The following ISM1 variants were observed in gnomAD, a reference collection of about 807,000 sequenced individuals.
The protein encoded by ISM1 is isthmin 1.
In ISM1, 25 loss-of-function variants were observed where a neutral mutation model predicts 46.3. The observed-to-expected ratio is 0.54, with a 90% CI of 0.39 to 0.75. ISM1 has a LOEUF of 0.75. ISM1 is among the 30% of genes least tolerant of loss of function. The probability of loss-of-function intolerance (pLI) is 0.00; values close to 1 mark genes in which losing one functional copy is unlikely to be tolerated. For missense variants in ISM1, 536 were observed against 625.4 expected, an observed-to-expected ratio of 0.86 and a Z score of 1.52; for synonymous variants, 255 against 256.7, an observed-to-expected ratio of 0.99 and a Z score of 0.06.
At chr20:13,223,892 G>A (rs1002601690) in intron 1 of ISM1, among the ~76,000 whole-genome samples, 101 of 152,248 alleles carry the variant, frequency 6.6e-4, no homozygotes, top group African/African-American at 2.2e-3. Flanking sequence ...AAGTAAATTT[G>A]GCAGATTACT....
chr20:13,227,893 A>T (rs910142306), intron 1 of ISM1, among the ~76,000 whole-genome samples: 36 of 151,718 alleles, frequency 2.4e-4, no homozygotes, highest in African/African-American at 8.0e-4. Context: ...CAGTTTTATT[A>T]TACTACCAAT....
intron 1 of ISM1, 124 bp downstream of exon 1, chr20:13,222,038 T>A: frequency 1.4e-5 from 14 of 968,754 alleles, no homozygotes; most frequent in Non-Finnish European, 1.8e-5. Context: ...AGCAACTGTT[T>A]TGGCAGTAGT....
chr20:13,287,183 G>A (rs1006795209), intron 3 of ISM1, among the ~76,000 whole-genome samples: 1 of 152,238 alleles, frequency 6.6e-6, no homozygotes, highest in Non-Finnish European at 1.5e-5. Context: ...ATAAAGGAAA[G>A]AGATTTAATG....
intron 1 of ISM1, chr20:13,238,011 C>T (rs1489134717): frequency 6.6e-6 from 1 of 152,178 alleles, no homozygotes; most frequent in Non-Finnish European, 1.5e-5. Flanking sequence ...TGACTTCATT[C>T]CCCTTAAAAG....
intron 1 of ISM1, among the ~76,000 whole-genome samples, chr20:13,259,035 C>G (rs1386783505): frequency 6.6e-6 from 1 of 152,144 alleles, no homozygotes; most frequent in African/African-American, 2.4e-5. Context: ...GTAATCCCAA[C>G]ACTTTGGGAG....
chr20:13,232,955 G>A (rs1353275836), intron 1 of ISM1, among the ~76,000 whole-genome samples: 1 of 152,046 alleles, frequency 6.6e-6, no homozygotes, highest in Non-Finnish European at 1.5e-5. Context: ...TCCAAGTGAT[G>A]GTGGTGACAG....
intron 5 of ISM1, among the ~76,000 whole-genome samples, chr20:13,293,223 A>G (rs1421860334): frequency 1.3e-5 from 2 of 152,026 alleles, no homozygotes; most frequent in Non-Finnish European, 2.9e-5. Flanking sequence ...AAAAAAAAAA[A>G]AAGAATTCTT....
chr20:13,245,138 G>A (rs1290638085), intron 1 of ISM1: 5 of 152,174 alleles, frequency 3.3e-5, no homozygotes, highest in Admixed American at 3.3e-4. Flanking sequence ...ATCTATTGCT[G>A]TATAACAAAT....
intron 5 of ISM1, among the ~76,000 whole-genome samples, chr20:13,298,028 A>G (rs1391959646): frequency 2.6e-5 from 4 of 152,226 alleles, no homozygotes; most frequent in Admixed American, 6.5e-5. Context: ...ACTGAGTCCT[A>G]TAAATCTTCC....
At chr20:13,310,200 G>A in the ISM1 span, among the ~76,000 whole-genome samples, 2 of 152,214 alleles carry the variant, frequency 1.3e-5, no homozygotes, top group South Asian at 4.1e-4. Context: ...CTACAAAGGT[G>A]TAGTAATCAA....
chr20:13,323,184 A>G, the ISM1 span, among the ~76,000 whole-genome samples: 1 of 152,198 alleles, frequency 6.6e-6, no homozygotes, highest in Admixed American at 6.5e-5. Context: ...TACTTGCTAC[A>G]AAGAATAAGA....
At chr20:13,242,003 CAA>C (rs775036953) in intron 1 of ISM1, among the ~76,000 whole-genome samples, 7 of 152,198 alleles carry the variant, frequency 4.6e-5, no homozygotes, top group Non-Finnish European at 5.9e-5. Flanking sequence ...AAAGTAAAAA[CAA>C]GAGAAGGCTG....
At chr20:13,270,472 T>G (rs1191978089) in intron 1 of ISM1, 32 bp from the exon 2 acceptor site, 2 of 1,586,900 alleles carry the variant, frequency 1.3e-6, no homozygotes, top group East Asian at 2.3e-5. Context: ...ATGTGTCTCC[T>G]TAACAGGTGT....
chr20:13,249,634 C>A (rs1261769647), intron 1 of ISM1, among the ~76,000 whole-genome samples: 1 of 152,210 alleles, frequency 6.6e-6, no homozygotes, highest in Non-Finnish European at 1.5e-5. Flanking sequence ...GTTTTAATCT[C>A]TGTAGTGGAA....
chr20:13,269,399 G>C (rs1291072236), intron 1 of ISM1, among the ~76,000 whole-genome samples: 4 of 152,214 alleles, frequency 2.6e-5, no homozygotes, highest in Non-Finnish European at 5.9e-5. Flanking sequence ...GGGAAAAACA[G>C]TGGGCTTGCA....
intron 1 of ISM1, among the ~76,000 whole-genome samples, chr20:13,270,113 T>A (rs928824170): frequency 2.6e-5 from 4 of 152,190 alleles, no homozygotes; most frequent in Non-Finnish European, 4.4e-5. Flanking sequence ...AGAAACCAAC[T>A]CTGGACACTA....
intron 1 of ISM1, among the ~76,000 whole-genome samples, chr20:13,257,244 A>G (rs982329830): frequency 6.6e-6 from 1 of 152,164 alleles, no homozygotes; most frequent in Non-Finnish European, 1.5e-5. Flanking sequence ...GCCAGGCTCG[A>G]TGGCTCATGC....
chr20:13,289,981 A>G (rs1207627310), intron 4 of ISM1, among the ~76,000 whole-genome samples: 1 of 152,216 alleles, frequency 6.6e-6, no homozygotes, highest in African/African-American at 2.4e-5. Flanking sequence ...CATTTGGAAC[A>G]AAGGAGAAAT....
chr20:13,249,808 T>G (rs562016129), intron 1 of ISM1, among the ~76,000 whole-genome samples: 1,841 of 151,780 alleles, frequency 0.012, 48 homozygotes, highest in African/African-American at 0.042. Context: ...TTGTTTTGTT[T>G]TGTTTTGTTT....
Sources: allele counts gnomAD v4.1 joint callset (sites outside exome capture counted in the v4.1 genomes callset), GRCh38; gene constraint gnomAD v4.1.1; transcripts MANE v1.5; gene names NCBI Gene and HGNC (gene_info 2026-07-23, HGNC 2026-07-21).